KCNIP4: variants seen among roughly 807,000 people sequenced by gnomAD.
KCNIP4 encodes the protein Kv channel-interacting protein 4.
KCNIP4 carries 12 observed loss-of-function variants against 34.0 expected under a neutral mutation model. The observed-to-expected ratio is 0.35, with a 90% CI of 0.23 to 0.57. KCNIP4 has a LOEUF of 0.57. Ranked by LOEUF, KCNIP4 falls within the 20% of genes least tolerant of loss-of-function variation. The pLI is 0.83. For synonymous variants in KCNIP4, 124 were observed against 102.2 expected (o/e 1.21, Z -1.29); for missense variants, 238 against 311.7 (o/e 0.76, Z 1.78).
intron 3 of KCNIP4, among the ~76,000 whole-genome samples, chr4:20,806,304 A>C (rs891723484): frequency 4.6e-5 from 7 of 151,144 alleles, no homozygotes; most frequent in Admixed American, 4.6e-4. Context: ...GCTAGTTTCC[A>C]TTTCATGCAT....
intron 1 of KCNIP4, among the ~76,000 whole-genome samples, chr4:21,772,203 C>T (rs1718843378): frequency 1.3e-5 from 2 of 152,116 alleles, no homozygotes; most frequent in Admixed American, 1.3e-4. Flanking sequence ...GTCTTTGATT[C>T]TGTTTACGTG....
chr4:20,796,436 A>G (rs1437414834), intron 3 of KCNIP4, among the ~76,000 whole-genome samples: 1 of 152,154 alleles, frequency 6.6e-6, no homozygotes, highest in Non-Finnish European at 1.5e-5. Context: ...CTGGATGATT[A>G]AATGAAGTAG....
intron 3 of KCNIP4, among the ~76,000 whole-genome samples, chr4:20,822,712 C>T (rs1318958050): frequency 6.6e-6 from 1 of 152,146 alleles, no homozygotes; most frequent in East Asian, 1.9e-4. Flanking sequence ...GTGAGAAAAA[C>T]ATGAATTTTC....
intron 1 of KCNIP4, among the ~76,000 whole-genome samples, chr4:21,040,077 C>G (rs185080732): frequency 4.7e-4 from 72 of 152,226 alleles, no homozygotes; most frequent in Non-Finnish European, 9.6e-4. Context: ...CTCATGAGAA[C>G]TCACTCACCA....
intron 2 of KCNIP4, among the ~76,000 whole-genome samples, chr4:20,859,996 A>G (rs1161273881): frequency 3.9e-5 from 6 of 152,194 alleles, no homozygotes; most frequent in African/African-American, 1.4e-4. Context: ...TCTTTTATTT[A>G]GGTCCTGCCA....
intron 1 of KCNIP4, among the ~76,000 whole-genome samples, chr4:21,459,298 A>G (rs1284667479): frequency 6.6e-6 from 1 of 152,058 alleles, no homozygotes; most frequent in Admixed American, 6.6e-5. Flanking sequence ...GATAAGGTTG[A>G]AGGATCCCTC....
At chr4:21,785,610 T>TAAATAAATAAATA (rs1553931494) in intron 1 of KCNIP4, among the ~76,000 whole-genome samples, 107 of 147,652 alleles carry the variant, frequency 7.2e-4, no homozygotes, top group African/African-American at 2.5e-3. Flanking sequence ...AATAAATAAA[T>TAAATAAATAAATA]AAATAAAATA....
chr4:21,127,080 G>T (rs1226570766), intron 1 of KCNIP4, among the ~76,000 whole-genome samples: 2 of 152,110 alleles, frequency 1.3e-5, no homozygotes, highest in African/African-American at 4.8e-5. Context: ...CTCTCTACCT[G>T]GGATATTCTT....
chr4:21,432,196 G>C (rs1249776130), intron 1 of KCNIP4, among the ~76,000 whole-genome samples: 2 of 137,518 alleles, frequency 1.5e-5, no homozygotes, highest in Non-Finnish European at 3.1e-5. Flanking sequence ...TTGTTTACTG[G>C]AGAAAACCAC....
intron 1 of KCNIP4, among the ~76,000 whole-genome samples, chr4:20,976,959 G>A (rs369456282): frequency 9.9e-5 from 15 of 151,880 alleles, no homozygotes; most frequent in Admixed American, 2.6e-4. Flanking sequence ...TCAGCCTCCC[G>A]AGTAGCTGGG....
chr4:20,762,789 TGTTA>T (rs1456902179), intron 3 of KCNIP4, among the ~76,000 whole-genome samples: 1 of 152,136 alleles, frequency 6.6e-6, no homozygotes, highest in African/African-American at 2.4e-5. Context: ...TCAGCAGTTG[TGTTA>T]GTTCATTTCC....
chr4:21,102,934 G>T (rs1326809118), intron 1 of KCNIP4, among the ~76,000 whole-genome samples: 1 of 152,112 alleles, frequency 6.6e-6, no homozygotes, highest in African/African-American at 2.4e-5. Context: ...TCTGAAAAAT[G>T]TGAGTCAAAC....
At chr4:21,367,873 T>C (rs1411711892) in intron 1 of KCNIP4, among the ~76,000 whole-genome samples, 2 of 147,824 alleles carry the variant, frequency 1.4e-5, no homozygotes, top group Non-Finnish European at 2.9e-5. Context: ...CCATGTCTGC[T>C]GTATTTGATT....
Position 21,472,528 on chromosome 4 carries a change from A to T in KCNIP4, c.61+476043T>A, listed in dbSNP as rs1730561337. 2.0e-5 allele frequency among the ~76,000 whole-genome samples: 3 copies of T among 152,252 alleles called. No homozygotes were observed. The South Asian group carries it at 6.2e-4, about 32-fold the overall frequency. On this transcript the variant is annotated intron_variant, in intron 1 of 8. Coordinates refer to ENST00000382152, the MANE Select transcript of KCNIP4 (RefSeq NM_025221.6). ...CTTAGATTATCATGTTTTATGTTAG[A>T]TGATGAGGTTTTTGAGGGTAGTTTC... is the stretch of plus-strand genomic sequence containing the variant.
intron 1 of KCNIP4, among the ~76,000 whole-genome samples, chr4:20,910,043 G>A (rs1317082150): frequency 2.0e-5 from 3 of 152,120 alleles, no homozygotes; most frequent in East Asian, 1.9e-4. Context: ...GCAGTTTTTC[G>A]ATCACTGTAA....
intron 4 of KCNIP4, among the ~76,000 whole-genome samples, chr4:20,751,867 C>T (rs12152652): frequency 0.32 from 49,294 of 151,860 alleles, 8,407 homozygotes; most frequent in African/African-American, 0.41. Flanking sequence ...GAAGTTACAG[C>T]GGCTTCCCAG....
intron 1 of KCNIP4, among the ~76,000 whole-genome samples, chr4:21,405,502 G>C (rs920930052): frequency 3.3e-5 from 5 of 152,192 alleles, no homozygotes; most frequent in Non-Finnish European, 5.9e-5. Context: ...GCAAGGCAGT[G>C]CTTAAGGTGA....
At chr4:21,251,614 T>C (rs1471937066) in intron 1 of KCNIP4, among the ~76,000 whole-genome samples, 1 of 152,148 alleles carries the variant, frequency 6.6e-6, no homozygotes, top group East Asian at 1.9e-4. Context: ...TTTTGAATCA[T>C]AAAGCAACCT....
At chr4:21,217,865 A>G (rs1757700519) in intron 1 of KCNIP4, among the ~76,000 whole-genome samples, 1 of 152,152 alleles carries the variant, frequency 6.6e-6, no homozygotes, top group Non-Finnish European at 1.5e-5. Context: ...AGTATAGCCC[A>G]TGAGAGAAAA....
Sources: allele counts gnomAD v4.1 joint callset (sites outside exome capture counted in the v4.1 genomes callset), GRCh38; gene constraint gnomAD v4.1.1; transcripts MANE v1.5; gene names NCBI Gene and HGNC (gene_info 2026-07-23, HGNC 2026-07-21).